Variants in FBXL7 observed in about 807,000 individuals in gnomAD.
The protein encoded by FBXL7 is F-box/LRR-repeat protein 7.
In FBXL7, 12 loss-of-function variants were observed where a neutral mutation model predicts 38.3. The observed-to-expected ratio is 0.31, with a 90% CI of 0.20 to 0.51. The LOEUF is 0.51. FBXL7 is among the 20% of genes least tolerant of loss of function. The pLI is 0.98. For missense variants in FBXL7, 567 were observed against 676.4 expected (o/e 0.84, Z 1.79); for synonymous variants, 297 against 300.9 (o/e 0.99, Z 0.13).
intron 2 of FBXL7, among the ~76,000 whole-genome samples, chr5:15,850,894 T>G (rs1433346752): frequency 6.6e-6 from 1 of 152,240 alleles, no homozygotes; most frequent in African/African-American, 2.4e-5. Flanking sequence ...ACACTGGATT[T>G]TCCTTTGAAC....
At chr5:15,799,889 T>C (rs1316195465) in intron 2 of FBXL7, among the ~76,000 whole-genome samples, 1 of 152,054 alleles carries the variant, frequency 6.6e-6, no homozygotes, top group Non-Finnish European at 1.5e-5. Flanking sequence ...TTCCCAACTA[T>C]CACTCTCAGC....
intron 1 of FBXL7, among the ~76,000 whole-genome samples, chr5:15,615,720 A>G (rs998752573): frequency 1.3e-5 from 2 of 152,218 alleles, no homozygotes; most frequent in African/African-American, 2.4e-5. Flanking sequence ...ATGTTATCAT[A>G]TTTGACTACG....
chr5:15,673,393 A>G (rs985006304), intron 2 of FBXL7, among the ~76,000 whole-genome samples: 1 of 152,188 alleles, frequency 6.6e-6, no homozygotes, highest in Non-Finnish European at 1.5e-5. Flanking sequence ...TAATACTCTC[A>G]ACCCTATGGA....
At position 15,749,879 on chromosome 5, in the gene FBXL7, C is replaced by A. The variant is rs966661291; in HGVS notation, c.127+133807C>A. On this transcript the variant is annotated intron_variant, in intron 2 of 3. Coordinates refer to ENST00000504595, the MANE Select transcript of FBXL7 (RefSeq NM_012304.5). ...AGGAGACTCTGCCTACAAAAAAAATCTTCCTCATTAGGCAGATGACACCTT... is the reference window on the plus strand; with the variant it reads ...AGGAGACTCTGCCTACAAAAAAAATATTCCTCATTAGGCAGATGACACCTT... Among the ~76,000 whole-genome samples the A allele has an allele frequency of 9.8e-5, 15 of 152,306 alleles. No homozygotes were observed. In the South Asian group the frequency reaches 1.7e-3, roughly 17 times the overall value.
chr5:15,797,125 T>G (rs1259928098), intron 2 of FBXL7, among the ~76,000 whole-genome samples: 2 of 152,264 alleles, frequency 1.3e-5, no homozygotes, highest in Non-Finnish European at 2.9e-5. Context: ...TCTTGGCTCT[T>G]GCTATGTGTA....
intron 3 of FBXL7, among the ~76,000 whole-genome samples, chr5:15,930,362 G>C (rs943367033): frequency 6.6e-6 from 1 of 152,106 alleles, no homozygotes; most frequent in African/African-American, 2.4e-5. Context: ...CTAAGAATTG[G>C]AGCATTTTAT....
chr5:15,629,202 G>A (rs1740919248), intron 2 of FBXL7, among the ~76,000 whole-genome samples: 1 of 151,838 alleles, frequency 6.6e-6, no homozygotes, highest in African/African-American at 2.4e-5. Flanking sequence ...ATGAGCTCAG[G>A]AGTTTGAGGC....
At chr5:15,539,786 C>G (rs1054569412) in intron 1 of FBXL7, among the ~76,000 whole-genome samples, 4 of 151,976 alleles carry the variant, frequency 2.6e-5, no homozygotes, top group African/African-American at 9.7e-5. Context: ...TACAGTGGCA[C>G]TCTGCGTTTA....
chr5:15,501,267 G>A (rs1736478626), intron 1 of FBXL7, among the ~76,000 whole-genome samples: 1 of 152,102 alleles, frequency 6.6e-6, no homozygotes, highest in African/African-American at 2.4e-5. Flanking sequence ...TCTCGGGGCT[G>A]GAGACGGGCA....
Position 15,537,807 on chromosome 5 carries a change from G to T in FBXL7, c.37+37094G>T, listed in dbSNP as rs905611921. On this transcript the variant is annotated intron_variant, in intron 1 of 3. Transcript: ENST00000504595. ...CCATGAGCAGGAGCCAGGGGCCACT[G>T]GTTTTAGATGGTGTCAAATAGGTTC... is the stretch of plus-strand genomic sequence containing the variant. Among the ~76,000 whole-genome samples the T allele has an allele frequency of 6.6e-5, 10 of 152,204 alleles. No homozygotes were observed. The East Asian group carries it at 1.9e-3, about 29-fold the overall frequency.
chr5:15,781,693 TTAAATG>T (rs1249389207), intron 2 of FBXL7, among the ~76,000 whole-genome samples: 2 of 152,002 alleles, frequency 1.3e-5, no homozygotes, highest in Non-Finnish European at 2.9e-5. Context: ...AAAAAGTACT[TTAAATG>T]TAAATGAGAA....
At chr5:15,728,667 G>A (rs1181181203) in intron 2 of FBXL7, among the ~76,000 whole-genome samples, 1 of 152,106 alleles carries the variant, frequency 6.6e-6, no homozygotes, top group East Asian at 1.9e-4. Flanking sequence ...GTTTCTGAAT[G>A]CAACTAAGTG....
At chr5:15,561,517 T>G (rs1738416586) in intron 1 of FBXL7, among the ~76,000 whole-genome samples, 1 of 152,188 alleles carries the variant, frequency 6.6e-6, no homozygotes, top group Non-Finnish European at 1.5e-5. Context: ...AATGCTGCAA[T>G]GAACATAGGA....
chr5:15,621,776 C>T (rs1372302716), intron 2 of FBXL7, among the ~76,000 whole-genome samples: 4 of 152,196 alleles, frequency 2.6e-5, no homozygotes, highest in Non-Finnish European at 5.9e-5. Flanking sequence ...ATATTGAACC[C>T]ATCTACAGCA....
At chr5:15,707,997 C>T (rs540654264) in intron 2 of FBXL7, among the ~76,000 whole-genome samples, 1 of 152,176 alleles carries the variant, frequency 6.6e-6, no homozygotes. Context: ...TCTCTTTCCT[C>T]CTCAATGCTT....
chr5:15,580,731 A>G (rs1739111482), intron 1 of FBXL7: 2 of 985,404 alleles, frequency 2.0e-6, no homozygotes, highest in South Asian at 9.4e-5. Flanking sequence ...GTGAGCCTGA[A>G]GATCTCACAA....
intron 1 of FBXL7, among the ~76,000 whole-genome samples, chr5:15,524,328 C>A (rs546495180): frequency 6.6e-6 from 1 of 152,022 alleles, no homozygotes; most frequent in African/African-American, 2.4e-5. Flanking sequence ...TTTTATCGTC[C>A]GTTTGTGTGA....
At chr5:15,911,396 C>T (rs1741423624) in intron 2 of FBXL7, among the ~76,000 whole-genome samples, 1 of 131,978 alleles carries the variant, frequency 7.6e-6, no homozygotes, top group African/African-American at 3.8e-5. Context: ...AAGCACTTCT[C>T]TGTATTGGTT....
At chr5:15,750,352 T>TA (rs1273831726) in intron 2 of FBXL7, among the ~76,000 whole-genome samples, 6 of 152,196 alleles carry the variant, frequency 3.9e-5, no homozygotes, top group African/African-American at 1.4e-4. Context: ...TAGGCTTTCT[T>TA]CCTCTTGCAG....
Sources: allele counts gnomAD v4.1 joint callset (sites outside exome capture counted in the v4.1 genomes callset), GRCh38; gene constraint gnomAD v4.1.1; transcripts MANE v1.5; gene names NCBI Gene and HGNC (gene_info 2026-07-23, HGNC 2026-07-21).